The following KCNH7 variants were observed in gnomAD, a reference collection of about 807,000 sequenced individuals.
KCNH7 encodes potassium voltage-gated channel subfamily H member 7.
KCNH7 carries 49 observed loss-of-function variants against 120.8 expected under a neutral mutation model. The observed-to-expected ratio is 0.41, with a 90% CI of 0.32 to 0.51. The LOEUF is 0.51. Among genes scored for constraint, KCNH7 ranks in the 20% least tolerant of loss-of-function variants. The pLI, the probability that KCNH7 is intolerant of heterozygous loss-of-function variation, is 0.38. For missense variants in KCNH7, 1,097 were observed against 1,446.6 expected (o/e 0.76, Z 3.92); for synonymous variants, 547 against 516.1 (o/e 1.06, Z -0.81).
At chr2:162,668,261 T>C (rs541930840) in intron 2 of KCNH7, among the ~76,000 whole-genome samples, 2 of 152,286 alleles carry the variant, frequency 1.3e-5, no homozygotes, top group South Asian at 2.1e-4. Context: ...GGGCTTAAAT[T>C]TGAACATTTG....
intron 2 of KCNH7, among the ~76,000 whole-genome samples, chr2:162,659,836 C>T (rs1301448422): frequency 6.6e-6 from 1 of 152,038 alleles, no homozygotes; most frequent in African/African-American, 2.4e-5. Context: ...CTTCTATCTT[C>T]TTGAAGAGAT....
At chr2:162,641,580 A>G (rs1486417894) in intron 2 of KCNH7, among the ~76,000 whole-genome samples, 1 of 152,082 alleles carries the variant, frequency 6.6e-6, no homozygotes, top group East Asian at 1.9e-4. Flanking sequence ...TGCATAGTAT[A>G]TTATTCCTCT....
At chr2:162,409,129 A>G (rs1017144099) in intron 9 of KCNH7, among the ~76,000 whole-genome samples, 1 of 151,826 alleles carries the variant, frequency 6.6e-6, no homozygotes. Context: ...AGCTAGCTTA[A>G]ATACATCTAA....
intron 2 of KCNH7, among the ~76,000 whole-genome samples, chr2:162,673,382 T>C (rs917481438): frequency 1.3e-5 from 2 of 152,088 alleles, no homozygotes; most frequent in African/African-American, 4.8e-5. Context: ...AAATGTTATT[T>C]TGACATTAAG....
chr2:162,448,499 C>G (rs964080368), intron 6 of KCNH7, among the ~76,000 whole-genome samples: 7 of 152,014 alleles, frequency 4.6e-5, no homozygotes, highest in African/African-American at 1.7e-4. Context: ...CTTTCCATAT[C>G]CTTAAATCCA....
At chr2:162,768,557 G>A (rs887729581) in intron 2 of KCNH7, among the ~76,000 whole-genome samples, 2 of 152,116 alleles carry the variant, frequency 1.3e-5, no homozygotes, top group African/African-American at 2.4e-5. Context: ...AACTGACAAC[G>A]GAGAGGTAAA....
chr2:162,615,075 A>G (rs1316287486), intron 2 of KCNH7, among the ~76,000 whole-genome samples: 1 of 152,174 alleles, frequency 6.6e-6, no homozygotes, highest in Non-Finnish European at 1.5e-5. Context: ...CTCACTCCAC[A>G]GAACTTCAAA....
intron 3 of KCNH7, among the ~76,000 whole-genome samples, chr2:162,536,008 T>C (rs1692093390): frequency 6.6e-6 from 1 of 151,738 alleles, no homozygotes; most frequent in African/African-American, 2.4e-5. Flanking sequence ...TACACCAAAA[T>C]AAGCTTACAA....
chr2:162,757,562 T>C (rs567505784), intron 2 of KCNH7, among the ~76,000 whole-genome samples: 3 of 152,258 alleles, frequency 2.0e-5, no homozygotes, highest in African/African-American at 7.2e-5. Context: ...AAAATGTATA[T>C]ATCTTTAGAA....
At chr2:162,448,510 C>A (rs1363805187) in intron 6 of KCNH7, among the ~76,000 whole-genome samples, 2 of 151,968 alleles carry the variant, frequency 1.3e-5, no homozygotes, top group East Asian at 3.9e-4. Flanking sequence ...CTTAAATCCA[C>A]AAATCTTTTT....
intron 6 of KCNH7, among the ~76,000 whole-genome samples, chr2:162,501,320 A>T (rs73971793): frequency 6.6e-6 from 1 of 152,230 alleles, no homozygotes; most frequent in African/African-American, 2.4e-5. Context: ...CTTTTATAAA[A>T]TATGATCAAA....
chr2:162,581,454 T>C (rs761884331), intron 2 of KCNH7, among the ~76,000 whole-genome samples: 1 of 152,194 alleles, frequency 6.6e-6, no homozygotes, highest in Non-Finnish European at 1.5e-5. Flanking sequence ...ATTGTTTTAT[T>C]ATATCCGTTA....
At chr2:162,391,591 T>C (rs1307718363) in intron 12 of KCNH7, among the ~76,000 whole-genome samples, 1 of 152,080 alleles carries the variant, frequency 6.6e-6, no homozygotes, top group East Asian at 1.9e-4. Context: ...TGATCTCATA[T>C]ACCAAGCCTG....
At chr2:162,677,407 A>G (rs1168823552) in intron 2 of KCNH7, among the ~76,000 whole-genome samples, 1 of 151,446 alleles carries the variant, frequency 6.6e-6, no homozygotes, top group Non-Finnish European at 1.5e-5. Context: ...CTGAAGAAGA[A>G]TCCTTCATAC....
At chr2:162,434,091 C>T (rs1688160404) in intron 8 of KCNH7, among the ~76,000 whole-genome samples, 1 of 152,000 alleles carries the variant, frequency 6.6e-6, no homozygotes, top group Non-Finnish European at 1.5e-5. Flanking sequence ...AACATGGCGG[C>T]AGCTGGAGGC....
At chr2:162,742,983 GAC>G (rs1688190432) in intron 2 of KCNH7, among the ~76,000 whole-genome samples, 1 of 152,172 alleles carries the variant, frequency 6.6e-6, no homozygotes, top group Non-Finnish European at 1.5e-5. Context: ...TCAGTAACCT[GAC>G]ACAGGTTATG....
chr2:162,717,693 T>C (rs939547273), intron 2 of KCNH7, among the ~76,000 whole-genome samples: 1 of 152,106 alleles, frequency 6.6e-6, no homozygotes, highest in Non-Finnish European at 1.5e-5. Flanking sequence ...GACTTTATAT[T>C]AGTCACCACG....
intron 12 of KCNH7, among the ~76,000 whole-genome samples, chr2:162,392,266 A>T (rs1686765899): frequency 6.6e-6 from 1 of 151,562 alleles, no homozygotes; most frequent in Admixed American, 6.6e-5. Flanking sequence ...CTGGTGTGGT[A>T]TGAATTCGTG....
rs115899053 is a variant in KCNH7 at position 162,665,436 on chromosome 2, A to T, written c.308-128356T>A. Among the ~76,000 whole-genome samples the T allele has an allele frequency of 7.5e-3, 1,135 of 152,250 alleles. 11 individuals carry two copies. Among genetic ancestry groups the T allele is most frequent in the African/African-American group, 0.025 (1,031 of 41,572 alleles). ...ATAGACTCTAAGAACACAAGATTTTAAATATAGCTCACTAACATATTTTTT... is the reference window on the plus strand; with the variant it reads ...ATAGACTCTAAGAACACAAGATTTTTAATATAGCTCACTAACATATTTTTT... On this transcript the variant is annotated intron_variant, in intron 2 of 15. Transcript: ENST00000332142.
Sources: gnomAD v4.1 joint callset for allele counts (sites outside exome capture counted in the v4.1 genomes callset) on GRCh38, gnomAD v4.1.1 for gene constraint, MANE v1.5 for transcripts, NCBI Gene and HGNC (gene_info 2026-07-23, HGNC 2026-07-21) for gene names.